Variants in CEBPZOS observed in about 807,000 individuals in gnomAD.
CEBPZOS encodes protein CEBPZOS.
In CEBPZOS, 10 loss-of-function variants were observed where a neutral mutation model predicts 4.8. The ratio of observed to expected loss-of-function variants is 2.07; its 90% CI spans 1.28 to 3.52. The LOEUF (loss-of-function observed/expected upper bound fraction) is 3.52, where lower values mean the gene tolerates loss of function less well. Ranked by LOEUF, CEBPZOS falls within the 30% of genes most tolerant of loss-of-function variation. The pLI is 0.00. For missense variants in CEBPZOS, 98 were observed against 43.6 expected (o/e 2.25, Z -3.51); for synonymous variants, 25 against 14.2 (o/e 1.77, Z -1.72).
At position 37,202,605 on chromosome 2, in the gene CEBPZOS, A is replaced by G. The variant is rs1023027630; in HGVS notation, c.*745A>G. The G allele has an allele frequency of 1.1e-5, 5 of 438,442 alleles. No individual in the cohort carries two copies. The African/African-American group carries it at 1.2e-4, about 10-fold the overall frequency. 27.2% of individuals were successfully genotyped at this position (438,442 alleles called of 1,614,324 possible). On this transcript the variant is annotated 3_prime_UTR_variant, in exon 5 of 5. Coordinates refer to ENST00000402297, the MANE Select transcript of CEBPZOS (RefSeq NM_001322374.2). ...GGTTGCAGTGAGCCAAGATCATGCC[A>G]CTGCATTCCAACCTGGGCAAGGGAG...
intron 4 of CEBPZOS, chr2:37,212,684 C>T (rs1459486095): frequency 4.8e-6 from 2 of 417,004 alleles, no homozygotes; most frequent in Admixed American, 4.2e-5. Flanking sequence ...TAGCAATTGT[C>T]GTCCTTTTTA....
At chr2:37,215,807 A>C (rs1677853101), downstream of CEBPZOS, among the ~76,000 whole-genome samples, 1 of 152,198 alleles carries the variant, frequency 6.6e-6, no homozygotes, top group Non-Finnish European at 1.5e-5. Context: ...GTAAGCAATA[A>C]TAATTATATA....
At chr2:37,211,072 G>C in intron 4 of CEBPZOS, 1 of 1,605,886 alleles carries the variant, frequency 6.2e-7, no homozygotes, top group Non-Finnish European at 8.5e-7. Flanking sequence ...CTTTGGAGTG[G>C]ACTTCAAGTT....
At chr2:37,199,565 A>G (rs528522982) in intron 1 of CEBPZOS, 139 bp from the exon 2 acceptor site, 6 of 489,362 alleles carry the variant, frequency 1.2e-5, no homozygotes, top group Non-Finnish European at 1.5e-5. Context: ...TAAACCAAAA[A>G]AGTATACCAT....
intron 3 of CEBPZOS, 193 bp from the exon 4 acceptor site, chr2:37,201,449 G>A: frequency 1.8e-6 from 1 of 545,552 alleles, no homozygotes. Flanking sequence ...ATGACATCAT[G>A]TAGTTAGACG....
In CEBPZOS at chr2:37,201,848, ATC is replaced by A. The variant is rs1284604973; in HGVS notation, c.*3-11_*3-10del. The A allele has an allele frequency of 6.2e-7, 1 of 1,613,060 alleles. No individual in the cohort carries two copies. The highest frequency in any genetic ancestry group is 8.5e-7 in the Non-Finnish European group (1 of 1,179,328). On this transcript the variant is annotated splice_polypyrimidine_tract_variant and intron_variant, in intron 4 of 4. Transcript: ENST00000402297. The stretch of plus-strand genomic sequence containing the variant: ...TCTTTTTCTTGATGATACTTTTTGC[ATC>A]TCTGTTGTGTAGCCAGTCATCACGT...
chr2:37,211,792 C>T lies in CEBPZOS; in HGVS notation c.*3-1645C>T, dbSNP rs763886526. Reference sequence around the variant, plus strand: ...CTTTAGCAGAAAAACAAACTTAAGGCTAAGGAAGTGAGGAAGACACAGTTT... The same window carrying T: ...CTTTAGCAGAAAAACAAACTTAAGGTTAAGGAAGTGAGGAAGACACAGTTT... On this transcript the variant is annotated intron_variant, in intron 4 of 4. Transcript: ENST00000397064. 4.4e-6 allele frequency: 6 copies of T among 1,367,616 alleles called. 1 individual carries two copies. In the South Asian group the frequency reaches 8.7e-5, roughly 20 times the overall value. The allele number at this position is 1,367,616 out of a possible 1,614,324, so 84.7% of individuals were successfully genotyped here. A position where few individuals can be genotyped will look rare whatever the true frequency, so the allele number is the denominator to read the frequency against.
downstream of CEBPZOS, among the ~76,000 whole-genome samples, chr2:37,207,395 T>G (rs774268562): frequency 6.6e-6 from 1 of 152,206 alleles, no homozygotes; most frequent in Non-Finnish European, 1.5e-5. Flanking sequence ...ATAGACCATA[T>G]GGTAGGCCAC....
chr2:37,211,658 C>T (rs1677723570), intron 4 of CEBPZOS: 2 of 516,962 alleles, frequency 3.9e-6, no homozygotes, highest in Non-Finnish European at 6.7e-6. Context: ...AAAGAAAACA[C>T]ACATAACACA....
At chr2:37,214,818 C>A, downstream of CEBPZOS, 2 of 948,304 alleles carry the variant, frequency 2.1e-6, no homozygotes, top group Admixed American at 2.0e-5. Flanking sequence ...TAAAATGAAG[C>A]ATTTTATGAA....
At chr2:37,213,966 A>G (rs1476953423), downstream of CEBPZOS, 2 of 1,442,212 alleles carry the variant, frequency 1.4e-6, no homozygotes, top group Non-Finnish European at 1.9e-6. Context: ...TAATACCTAT[A>G]ATATTCATGT....
chr2:37,210,277 T>G (rs1677679372), intron 4 of CEBPZOS: 1 of 151,974 alleles, frequency 6.6e-6, no homozygotes, highest in Non-Finnish European at 1.5e-5. Context: ...CACCACTGGG[T>G]ACTACCCAGA....
intron 4 of CEBPZOS, among the ~76,000 whole-genome samples, chr2:37,212,844 A>AC (rs1677767147): frequency 6.7e-6 from 1 of 149,736 alleles, no homozygotes; most frequent in African/African-American, 2.5e-5. Context: ...TTAAAAAAAA[A>AC]AAAAAAACAA....
At position 37,201,934 on chromosome 2, in the gene CEBPZOS, T is replaced by C. The variant is rs1677264891; in HGVS notation, c.*74T>C. On this transcript the variant is annotated 3_prime_UTR_variant, in exon 5 of 5. Transcript: ENST00000402297. The stretch of plus-strand genomic sequence containing the variant: ...AGAGAAGAAGAAAAGATGAGTGTAC[T>C]ACCACACTGTAGACTCTTGGTGGTC... The C allele has an allele frequency of 1.3e-6, 2 of 1,599,042 alleles. No individual in the cohort carries two copies. The highest frequency in any genetic ancestry group is 1.1e-5 in the South Asian group (1 of 88,944).
chr2:37,198,638 C>G (rs1040105564), intron 1 of CEBPZOS: 6 of 152,178 alleles, frequency 3.9e-5, no homozygotes, highest in African/African-American at 1.4e-4. Context: ...TATAAGGAGG[C>G]TGACTAAAAA....
rs541898080 is a variant in CEBPZOS, at chr2:37,202,055, T to C, written c.*195T>C. 256 of 499,874 alleles carry C rather than the reference T, an allele frequency of 5.1e-4. 1 individual carries two copies. The highest frequency in any genetic ancestry group is 4.9e-3 in the Middle Eastern group (15 of 3,040). 31.0% of individuals were successfully genotyped at this position (499,874 alleles called of 1,614,324 possible). ...AAACCCACTGCTTGTTTGTTGCTTT[T>C]CTTCTCATATTTATTGTCAAAGATA... On this transcript the variant is annotated 3_prime_UTR_variant, in exon 5 of 5. Coordinates refer to ENST00000402297, the MANE Select transcript of CEBPZOS (RefSeq NM_001322374.2).
intron 1 of CEBPZOS, among the ~76,000 whole-genome samples, chr2:37,196,968 C>G (rs1676973378): frequency 1.3e-5 from 2 of 152,228 alleles, no homozygotes; most frequent in Admixed American, 6.5e-5. Flanking sequence ...AGACGCTAAG[C>G]TGGGAGGCCG....
chr2:37,203,241 GC>G lies in CEBPZOS; in HGVS notation c.*1382del. 3.3e-6 allele frequency: 1 copy of G among 303,938 alleles called. No homozygotes were observed. Among genetic ancestry groups the G allele is most frequent in the Non-Finnish European group, 6.0e-6 (1 of 166,658 alleles). The allele number at this position is 303,938 out of a possible 1,614,324, so 18.8% of individuals were successfully genotyped here. ...GTTCAGATGACAAGAGTGTCTTCTT[GC>G]TTTTCAGATTTGGCCACTGATCGAA... On this transcript the variant is annotated 3_prime_UTR_variant, in exon 5 of 5. Transcript: ENST00000402297.
chr2:37,201,722 T>A lies in CEBPZOS; in HGVS notation c.241T>A (p.Ter81LysextTer45). 1 of 1,170,062 alleles carries A rather than the reference T, an allele frequency of 8.5e-7. No homozygotes were observed. 72.5% of individuals were successfully genotyped at this position (1,170,062 alleles called of 1,614,324 possible). The change falls in exon 4 of 5, where the codon TAG becomes AAG. Residue 81 changes from the stop codon to lysine, a stop_lost. Coordinates refer to ENST00000402297, the MANE Select transcript of CEBPZOS (RefSeq NM_001322374.2). ...AAAAACATGGTTGAACAGCAAAAAT[T>A]AGATGTAAGTAGAATTTTAATCTAT... ...DQKTWLNSKN[*>K]
Sources: gnomAD v4.1 joint callset for allele counts (sites outside exome capture counted in the v4.1 genomes callset) on GRCh38, gnomAD v4.1.1 for gene constraint, MANE v1.5 for transcripts, NCBI Gene and HGNC (gene_info 2026-07-23, HGNC 2026-07-21) for gene names.